ROBO2: variants seen among roughly 807,000 people sequenced by gnomAD.
ROBO2 encodes the protein roundabout homolog 2.
ROBO2 carries 53 observed loss-of-function variants against 160.8 expected under a neutral mutation model. The ratio of observed to expected loss-of-function variants is 0.33; its 90% CI spans 0.26 to 0.41. ROBO2 has a LOEUF of 0.41. ROBO2 is among the 10% of genes least tolerant of loss of function. The probability of loss-of-function intolerance (pLI) is 1.00; values close to 1 mark genes in which losing one functional copy is unlikely to be tolerated. For missense variants in ROBO2, 1,577 were observed against 1,722.4 expected, an observed-to-expected ratio of 0.92 and a Z score of 1.49; for synonymous variants, 664 against 611.7, an observed-to-expected ratio of 1.09 and a Z score of -1.26.
intron 2 of ROBO2, among the ~76,000 whole-genome samples, chr3:76,707,574 A>G (rs1476210514): frequency 1.3e-5 from 2 of 151,022 alleles, no homozygotes; most frequent in East Asian, 3.9e-4. Flanking sequence ...CCCTCTACTG[A>G]CAGGTACTAC....
intron 2 of ROBO2, among the ~76,000 whole-genome samples, chr3:77,137,581 T>G (rs967613007): frequency 2.0e-5 from 3 of 152,362 alleles, no homozygotes; most frequent in Admixed American, 6.5e-5. Flanking sequence ...TTTAACTTTT[T>G]GTCCCTTGAG....
intron 2 of ROBO2, among the ~76,000 whole-genome samples, chr3:77,199,035 G>C (rs141076060): frequency 1.6e-3 from 245 of 152,314 alleles, no homozygotes; most frequent in South Asian, 5.2e-3. Flanking sequence ...GGAGACAAGT[G>C]TGTAAACAGA....
intron 2 of ROBO2, among the ~76,000 whole-genome samples, chr3:77,218,736 T>C (rs1239652146): frequency 6.6e-6 from 1 of 152,148 alleles, no homozygotes; most frequent in African/African-American, 2.4e-5. Flanking sequence ...TCTTTTCCAT[T>C]ATAAGTATTC....
At chr3:77,323,451 G>A (rs924542117) in intron 2 of ROBO2, among the ~76,000 whole-genome samples, 1 of 152,050 alleles carries the variant, frequency 6.6e-6, no homozygotes, top group Non-Finnish European at 1.5e-5. Context: ...TAACACATTT[G>A]CATTTTGACC....
chr3:76,219,671 G>A (rs1372225087), intron 2 of ROBO2, among the ~76,000 whole-genome samples: 1 of 152,142 alleles, frequency 6.6e-6, no homozygotes. Context: ...AAAAAGTCAG[G>A]AAACAACAGG....
At chr3:77,524,144 A>AT (rs2090902764) in intron 6 of ROBO2, among the ~76,000 whole-genome samples, 1 of 151,292 alleles carries the variant, frequency 6.6e-6, no homozygotes, top group African/African-American at 2.4e-5. Context: ...CACCAAATCC[A>AT]TTTTTTCTTC....
At chr3:76,016,889 C>A (rs944047178) in intron 2 of ROBO2, among the ~76,000 whole-genome samples, 1 of 151,914 alleles carries the variant, frequency 6.6e-6, no homozygotes, top group Non-Finnish European at 1.5e-5. Flanking sequence ...GAAGACTAAA[C>A]GTTTCAAGAG....
At chr3:76,441,425 T>C (rs2076922153) in intron 2 of ROBO2, among the ~76,000 whole-genome samples, 2 of 152,014 alleles carry the variant, frequency 1.3e-5, no homozygotes, top group South Asian at 4.1e-4. Context: ...GTCGAAAGAG[T>C]ATCAGATATT....
At chr3:77,131,761 A>G (rs1455154150) in intron 2 of ROBO2, among the ~76,000 whole-genome samples, 1 of 152,200 alleles carries the variant, frequency 6.6e-6, no homozygotes, top group Non-Finnish European at 1.5e-5. Flanking sequence ...TGAGTACAGC[A>G]TAGTCTCCAT....
At chr3:77,484,540 CACAT>C (rs960927952) in intron 4 of ROBO2, among the ~76,000 whole-genome samples, 24 of 141,974 alleles carry the variant, frequency 1.7e-4, no homozygotes, top group Non-Finnish European at 2.4e-4. Context: ...CACACACACA[CACAT>C]ATATTTCTCA....
chr3:76,672,981 G>T (rs978311779), intron 2 of ROBO2, among the ~76,000 whole-genome samples: 20 of 151,796 alleles, frequency 1.3e-4, no homozygotes, highest in African/African-American at 4.6e-4. Context: ...CAGTGTCTGT[G>T]CTCTTTTTAC....
At chr3:75,987,661 C>A (rs180781205) in intron 2 of ROBO2, among the ~76,000 whole-genome samples, 2 of 152,046 alleles carry the variant, frequency 1.3e-5, no homozygotes, top group African/African-American at 2.4e-5. Flanking sequence ...AGTCTTTTAA[C>A]AGTGAGTGTG....
At chr3:76,328,044 G>T (rs551674417) in intron 2 of ROBO2, among the ~76,000 whole-genome samples, 50 of 152,184 alleles carry the variant, frequency 3.3e-4, no homozygotes, top group Non-Finnish European at 3.2e-4. Context: ...CCAGAAAGAA[G>T]AGAAAGAAGC....
chr3:76,908,211 GA>G (rs5850297), intron 2 of ROBO2, among the ~76,000 whole-genome samples: 6 of 150,718 alleles, frequency 4.0e-5, no homozygotes, highest in Non-Finnish European at 5.9e-5. Flanking sequence ...TCCAAATTAA[GA>G]AAAAAAAACT....
intron 2 of ROBO2, among the ~76,000 whole-genome samples, chr3:76,045,350 C>T (rs2107786554): frequency 6.6e-6 from 1 of 152,096 alleles, no homozygotes; most frequent in Non-Finnish European, 1.5e-5. Context: ...TCACATTCCA[C>T]TGTGGAATGG....
intron 2 of ROBO2, among the ~76,000 whole-genome samples, chr3:76,471,930 C>T (rs900291336): frequency 6.6e-6 from 1 of 152,034 alleles, no homozygotes; most frequent in Non-Finnish European, 1.5e-5. Flanking sequence ...TGGAGGTAAC[C>T]GCCCTCACGA....
intron 2 of ROBO2, among the ~76,000 whole-genome samples, chr3:76,197,529 C>T (rs907638289): frequency 5.3e-5 from 8 of 150,392 alleles, no homozygotes; most frequent in African/African-American, 9.8e-5. Flanking sequence ...GATAATCCAC[C>T]GAGTTAATCA....
chr3:76,109,533 C>T (rs2108225183), intron 2 of ROBO2, among the ~76,000 whole-genome samples: 1 of 152,202 alleles, frequency 6.6e-6, no homozygotes, highest in South Asian at 2.1e-4. Context: ...CTTAACTCCA[C>T]ACGTAATCAT....
intron 2 of ROBO2, among the ~76,000 whole-genome samples, chr3:76,132,316 G>C (rs2071252577): frequency 7.2e-6 from 1 of 138,922 alleles, no homozygotes; most frequent in Non-Finnish European, 1.5e-5. Flanking sequence ...AAACTGAAGA[G>C]ATTTAGTGCC....
Sources: gnomAD v4.1 joint callset for allele counts (sites outside exome capture counted in the v4.1 genomes callset) on GRCh38, gnomAD v4.1.1 for gene constraint, MANE v1.5 for transcripts, NCBI Gene and HGNC (gene_info 2026-07-23, HGNC 2026-07-21) for gene names.